PIEZO2: variants seen among roughly 807,000 people sequenced by gnomAD.
PIEZO2 encodes piezo-type mechanosensitive ion channel component 2.
In PIEZO2, 172 loss-of-function variants were observed where a neutral mutation model predicts 337.3. The observed-to-expected ratio is 0.51, with a 90% CI of 0.45 to 0.58. The LOEUF (loss-of-function observed/expected upper bound fraction) is 0.58, where lower values mean the gene tolerates loss of function less well. Ranked by LOEUF, PIEZO2 falls within the 20% of genes least tolerant of loss-of-function variation. PIEZO2 has a pLI of 0.00. For synonymous variants in PIEZO2, 1,251 were observed against 1,228.5 expected (o/e 1.02, Z -0.38); for missense variants, 3,028 against 3,391.3 (o/e 0.89, Z 2.66).
At position 10,797,468 on chromosome 18, in the gene PIEZO2, C is replaced by A; in HGVS notation, c.1433G>T (p.Arg478Leu). ...AACTTTGATACTTCTTTTTTCCTCA[C>A]GGCTCCTTTCTTCTTCAAATTCTTC... ...EKEEFEEERS[R>L]EEKRSIKVHA... is the part of the protein sequence containing the mutation. The change falls in exon 12 of 56, where the codon CGT (arginine) becomes CTT (leucine). Residue 478 changes from arginine (R) to leucine (L), a missense_variant. By Grantham distance (102) the Arg-to-Leu change is moderately radical. Transcript: ENST00000674853. 1 of 1,537,100 alleles carries A rather than the reference C, an allele frequency of 6.5e-7. No individual in the cohort carries two copies. The highest frequency in any genetic ancestry group is 1.2e-5 in the South Asian group (1 of 84,062).
chr18:11,023,352 A>G (rs1249991412), intron 2 of PIEZO2, among the ~76,000 whole-genome samples: 1 of 152,110 alleles, frequency 6.6e-6, no homozygotes, highest in Non-Finnish European at 1.5e-5. Flanking sequence ...CCTACCCACT[A>G]GATTAGCTAG....
In PIEZO2 at chr18:10,815,518, G is replaced by A. The variant is rs1156914464; in HGVS notation, c.918-8244C>T. 1.3e-5 allele frequency among the ~76,000 whole-genome samples: 2 copies of A among 152,122 alleles called. No individual in the cohort carries two copies. Among genetic ancestry groups the A allele is most frequent in the African/African-American group, 2.4e-5 (1 of 41,424 alleles). On this transcript the variant is annotated intron_variant, in intron 7 of 55. Transcript: ENST00000674853. The surrounding 1 kb of genome is among the most constrained non-coding windows in gnomAD (Gnocchi z 4.1). ...CACTTCAACTTAGAATTGCTGAAACGGGCCTTGAAAATATCCTATATACAA... is the reference window on the plus strand; with the variant it reads ...CACTTCAACTTAGAATTGCTGAAACAGGCCTTGAAAATATCCTATATACAA...
chr18:10,844,978 G>A (rs915911368), intron 7 of PIEZO2, among the ~76,000 whole-genome samples: 5 of 151,940 alleles, frequency 3.3e-5, no homozygotes, highest in Non-Finnish European at 7.4e-5. Context: ...GTTTAAAGAC[G>A]AGATATGGGA....
chr18:10,972,186 A>AG (rs1175278735), intron 3 of PIEZO2, among the ~76,000 whole-genome samples: 1 of 151,804 alleles, frequency 6.6e-6, no homozygotes, highest in Admixed American at 6.6e-5. Flanking sequence ...AAAAAAAAAA[A>AG]AAAAAGAGAG....
At chr18:11,066,407 C>A (rs970960333) in intron 1 of PIEZO2, among the ~76,000 whole-genome samples, 185 bp from the exon 2 acceptor site, 4 of 152,082 alleles carry the variant, frequency 2.6e-5, no homozygotes, top group Non-Finnish European at 4.4e-5. Context: ...CTGTGTTGAG[C>A]ATGACGAGAA....
At chr18:11,108,500 G>A (rs1047829254) in intron 1 of PIEZO2, among the ~76,000 whole-genome samples, 2 of 151,668 alleles carry the variant, frequency 1.3e-5, no homozygotes, top group African/African-American at 2.4e-5. Flanking sequence ...TGTAGTCCCA[G>A]CTACTCAGGA....
At chr18:10,959,340 T>C (rs2033669022) in intron 3 of PIEZO2, among the ~76,000 whole-genome samples, 1 of 152,216 alleles carries the variant, frequency 6.6e-6, no homozygotes, top group South Asian at 2.1e-4. Context: ...TTCTTTATTT[T>C]ACACTTAACA....
rs374587494 is a variant in PIEZO2, at chr18:10,977,833, A to G, written c.286+1702T>C. Among the ~76,000 whole-genome samples the G allele has an allele frequency of 2.6e-5, 4 of 152,382 alleles. No homozygotes were observed. In the East Asian group the frequency reaches 7.7e-4, roughly 29 times the overall value. On this transcript the variant is annotated intron_variant, in intron 3 of 55. Coordinates refer to ENST00000674853, the MANE Select transcript of PIEZO2 (RefSeq NM_001378183.1). The stretch of plus-strand genomic sequence containing the variant: ...GTCATATACAAAAGTCATAGACTGT[A>G]TAATTGCATATAGACAAAATGTCCT...
At chr18:10,697,319 T>G (rs2035138370) in intron 45 of PIEZO2, among the ~76,000 whole-genome samples, 1 of 152,154 alleles carries the variant, frequency 6.6e-6, no homozygotes, top group African/African-American at 2.4e-5. Context: ...GAGGGACCTG[T>G]GTAGTGTGCT....
Position 10,775,318 on chromosome 18 carries a change from C to T in PIEZO2, c.2535-1280G>A, listed in dbSNP as rs1281002990. ...AATCTCAGGGAACACATTTGCTGTT[C>T]CTGCTTTGTCAGGACTCTCCATGTG... is the stretch of plus-strand genomic sequence containing the variant. On this transcript the variant is annotated intron_variant, in intron 18 of 55. Transcript: ENST00000674853. This position sits in a 1 kb window ranked among gnomAD's most constrained non-coding sequence, Gnocchi z 4.3. 6.6e-6 allele frequency among the ~76,000 whole-genome samples: 1 copy of T among 152,142 alleles called. No homozygotes were observed. Among genetic ancestry groups the T allele is most frequent in the African/African-American group, 2.4e-5 (1 of 41,434 alleles).
chr18:10,867,804 T>C (rs549319352), intron 5 of PIEZO2, among the ~76,000 whole-genome samples: 2 of 152,384 alleles, frequency 1.3e-5, no homozygotes, highest in African/African-American at 2.4e-5. Context: ...ATAATACAAC[T>C]CTTCTTATTT....
intron 7 of PIEZO2, among the ~76,000 whole-genome samples, chr18:10,814,841 C>T (rs918031122): frequency 1.3e-5 from 2 of 152,174 alleles, no homozygotes; most frequent in African/African-American, 4.8e-5. Context: ...CAACTGAGAG[C>T]AGGGGAACAC....
intron 27 of PIEZO2, among the ~76,000 whole-genome samples, chr18:10,757,321 T>G (rs1316036583): frequency 1.1e-4 from 11 of 100,046 alleles, no homozygotes; most frequent in African/African-American, 2.0e-4. Context: ...TAAGGATGAG[T>G]GGGAGGGATG....
At chr18:10,810,499 C>T (rs902540467) in intron 7 of PIEZO2, among the ~76,000 whole-genome samples, 24 of 152,186 alleles carry the variant, frequency 1.6e-4, no homozygotes, top group Admixed American at 1.5e-3. Flanking sequence ...GTTCTCTACG[C>T]CACCCTCCTC....
chr18:10,689,131 A>T (rs1022811576), intron 49 of PIEZO2, among the ~76,000 whole-genome samples: 105 of 152,250 alleles, frequency 6.9e-4, no homozygotes, highest in African/African-American at 2.4e-3. Context: ...TATGCAACAG[A>T]CTCTTCTTCC....
At chr18:10,825,191 T>A (rs758888611) in intron 7 of PIEZO2, among the ~76,000 whole-genome samples, 1 of 152,050 alleles carries the variant, frequency 6.6e-6, no homozygotes, top group African/African-American at 2.4e-5. Context: ...CACACTAGAA[T>A]CCCATGCAGA....
At chr18:10,702,203 T>C (rs757787105) in intron 42 of PIEZO2, 32 bp from the exon 43 acceptor site, 128 of 1,519,744 alleles carry the variant, frequency 8.4e-5, no homozygotes, top group Non-Finnish European at 1.1e-4. Context: ...TTTAAAACAT[T>C]ACTCCTTTTA....
Position 11,132,502 on chromosome 18 carries a change from T to C in PIEZO2, c.64+16023A>G, listed in dbSNP as rs916977695. Among the ~76,000 whole-genome samples the C allele has an allele frequency of 1.3e-5, 2 of 152,176 alleles. No homozygotes were observed. Among genetic ancestry groups the C allele is most frequent in the African/African-American group, 4.8e-5 (2 of 41,458 alleles). On this transcript the variant is annotated intron_variant, in intron 1 of 55. Transcript: ENST00000674853. This position sits in a 1 kb window ranked among gnomAD's most constrained non-coding sequence, Gnocchi z 4.7. ...ATGCTCTGAATCAACATCCAATATATGGTACTGTTTCTCTCATAGCCAGGA... is the reference window on the plus strand; with the variant it reads ...ATGCTCTGAATCAACATCCAATATACGGTACTGTTTCTCTCATAGCCAGGA...
intron 52 of PIEZO2, among the ~76,000 whole-genome samples, chr18:10,678,743 A>T (rs572729): frequency 7.9e-5 from 12 of 151,910 alleles, no homozygotes; most frequent in African/African-American, 2.2e-4. Context: ...TACCAACACA[A>T]GGAAAAACAA....
Sources: allele counts gnomAD v4.1 joint callset (sites outside exome capture counted in the v4.1 genomes callset), GRCh38; gene constraint gnomAD v4.1.1; non-coding constraint Gnocchi (gnomAD v3.1); transcripts MANE v1.5; gene names NCBI Gene and HGNC (gene_info 2026-07-23, HGNC 2026-07-21).